BAIAP2L1: variants seen among roughly 807,000 people sequenced by gnomAD.
BAIAP2L1 encodes BAR/IMD domain-containing adapter protein 2-like 1.
A neutral mutation model predicts 66.3 loss-of-function variants in BAIAP2L1; 35 were observed. The ratio of observed to expected loss-of-function variants is 0.53; its 90% CI spans 0.40 to 0.70. The LOEUF (loss-of-function observed/expected upper bound fraction) is 0.70, where lower values mean the gene tolerates loss of function less well. Among genes scored for constraint, BAIAP2L1 ranks in the 30% least tolerant of loss-of-function variants. The pLI is 0.00. For missense variants in BAIAP2L1, 622 were observed against 656.9 expected (o/e 0.95, Z 0.58); for synonymous variants, 269 against 248.7 (o/e 1.08, Z -0.77).
chr7:98,397,008 A>C (rs1422717560), intron 1 of BAIAP2L1, among the ~76,000 whole-genome samples: 6 of 152,226 alleles, frequency 3.9e-5, no homozygotes, highest in African/African-American at 1.4e-4. Context: ...CTTGGAATAC[A>C]AAAACAAAAA....
At chr7:98,366,025 C>T (rs1802383013) in intron 1 of BAIAP2L1, among the ~76,000 whole-genome samples, 1 of 152,156 alleles carries the variant, frequency 6.6e-6, no homozygotes, top group African/African-American at 2.4e-5. Flanking sequence ...GGTGTGTGCA[C>T]AGGGTAGTGG....
intron 8 of BAIAP2L1, 128 bp from the exon 9 acceptor site, chr7:98,310,720 T>C: frequency 1.4e-6 from 1 of 717,122 alleles, no homozygotes; most frequent in East Asian, 3.5e-5. Context: ...AGAGTCTCGC[T>C]GTGTTGCCCA....
intron 3 of BAIAP2L1, among the ~76,000 whole-genome samples, chr7:98,330,740 C>T (rs186719261): frequency 7.1e-4 from 108 of 152,252 alleles, no homozygotes; most frequent in African/African-American, 2.4e-3. Flanking sequence ...TGGCTTCTGG[C>T]GAGCCCTCAG....
intron 1 of BAIAP2L1, among the ~76,000 whole-genome samples, chr7:98,371,206 G>GA (rs924730028): frequency 3.3e-4 from 50 of 150,876 alleles, no homozygotes; most frequent in Non-Finnish European, 2.8e-4. Context: ...CTGTTACTAA[G>GA]AAAAAAAAAT....
intron 1 of BAIAP2L1, among the ~76,000 whole-genome samples, chr7:98,376,724 C>CG (rs1241942231): frequency 3.3e-5 from 5 of 149,832 alleles, no homozygotes; most frequent in South Asian, 2.1e-4. Flanking sequence ...CTCAGCTACT[C>CG]GGGGGGCTGA....
intron 5 of BAIAP2L1, 151 bp from the exon 6 acceptor site, chr7:98,317,507 CCA>C: frequency 4.4e-6 from 4 of 911,876 alleles, no homozygotes; most frequent in Non-Finnish European, 6.7e-6. Flanking sequence ...GCCCCCACAC[CCA>C]CACCAGTTCA....
intron 2 of BAIAP2L1, among the ~76,000 whole-genome samples, chr7:98,356,099 G>C (rs1023042308): frequency 6.6e-6 from 1 of 152,050 alleles, no homozygotes; most frequent in African/African-American, 2.4e-5. Flanking sequence ...TGCCCCCTTC[G>C]AACTGATTCT....
Position 98,304,205 on chromosome 7 carries a change from G to T in BAIAP2L1, c.1413C>A (p.Thr471=), listed in dbSNP as rs777442291. Residue 471 remains threonine (T), a synonymous_variant, in exon 12 of 14, where the codon ACC becomes ACA. Transcript: ENST00000005260. ...CTGCGGCTTTACTCACAGGAGCCGC[G>T]GTCTCGGGCTTGGACGCTGGGGCCT... ...TFKAPASKPE[T]AAPNDANGTA... The T allele has an allele frequency of 6.3e-7, 1 of 1,596,866 alleles. No homozygotes were observed. The highest frequency in any genetic ancestry group is 1.8e-5 in the Admixed American group (1 of 56,486).
At chr7:98,367,558 C>T (rs1455775783) in intron 1 of BAIAP2L1, among the ~76,000 whole-genome samples, 9 of 89,512 alleles carry the variant, frequency 1.0e-4, no homozygotes, top group Middle Eastern at 9.8e-3. Context: ...TTTTGTGAGA[C>T]GGAGTCTCGC....
rs930762888 is a variant in BAIAP2L1, at chr7:98,400,868, G to A, written c.-16C>T. ...CCCGGGACATGGCTGCGGCCGCCGG[G>A]CGAGCAAGCGCGGGAGGACGCGGCT... On this transcript the variant is annotated 5_prime_UTR_variant, in exon 1 of 14. Coordinates refer to ENST00000005260, the MANE Select transcript of BAIAP2L1 (RefSeq NM_018842.5). 1.3e-6 allele frequency: 2 copies of A among 1,536,666 alleles called. No individual in the cohort carries two copies. Among genetic ancestry groups the A allele is most frequent in the East Asian group, 2.6e-5 (1 of 39,002 alleles).
chr7:98,385,218 G>A (rs904650006), intron 1 of BAIAP2L1, among the ~76,000 whole-genome samples: 2 of 151,670 alleles, frequency 1.3e-5, no homozygotes, highest in Admixed American at 1.3e-4. Context: ...AGAGGTGGGA[G>A]GATTATTTGA....
intron 2 of BAIAP2L1, among the ~76,000 whole-genome samples, chr7:98,360,772 G>A (rs1405038521): frequency 6.6e-6 from 1 of 152,188 alleles, no homozygotes; most frequent in African/African-American, 2.4e-5. Flanking sequence ...CACAGCTCTG[G>A]CTTTCTGGAG....
chr7:98,333,978 T>C (rs1801557012), intron 3 of BAIAP2L1, among the ~76,000 whole-genome samples: 1 of 152,188 alleles, frequency 6.6e-6, no homozygotes, highest in Non-Finnish European at 1.5e-5. Flanking sequence ...TTGATGTTTA[T>C]TAGGTTCATT....
intron 3 of BAIAP2L1, among the ~76,000 whole-genome samples, chr7:98,326,884 T>C (rs1801391120): frequency 6.6e-6 from 1 of 151,834 alleles, no homozygotes; most frequent in African/African-American, 2.4e-5. Context: ...AAAAAAAAAA[T>C]TAACTACACA....
At chr7:98,317,429 A>G in intron 5 of BAIAP2L1, 73 bp from the exon 6 acceptor site, 2 of 1,577,008 alleles carry the variant, frequency 1.3e-6, no homozygotes, top group South Asian at 1.1e-5. Context: ...CTTTACTCAC[A>G]CTTCCACTGT....
chr7:98,305,047 G>GTTTTTTTTTTTT (rs59633894), intron 11 of BAIAP2L1, among the ~76,000 whole-genome samples: 4 of 100,380 alleles, frequency 4.0e-5, no homozygotes, highest in Non-Finnish European at 7.3e-5. Context: ...TTTGTTTTTT[G>GTTTTTTTTTTTT]TTTTTTTTTT....
intron 2 of BAIAP2L1, among the ~76,000 whole-genome samples, chr7:98,359,871 C>CA (rs2115716951): frequency 6.6e-6 from 1 of 151,592 alleles, no homozygotes; most frequent in African/African-American, 2.4e-5. Context: ...GCAATCCTCC[C>CA]ACCCCAGGCT....
At chr7:98,396,685 G>A (rs1457265901) in intron 1 of BAIAP2L1, among the ~76,000 whole-genome samples, 1 of 152,180 alleles carries the variant, frequency 6.6e-6, no homozygotes, top group Admixed American at 6.6e-5. Context: ...CTACTCGGGA[G>A]GCTGAGGTGG....
intron 1 of BAIAP2L1, among the ~76,000 whole-genome samples, chr7:98,380,637 C>G (rs966703147): frequency 6.6e-6 from 1 of 151,548 alleles, no homozygotes; most frequent in African/African-American, 2.4e-5. Flanking sequence ...CAAACCATAT[C>G]ACCCAGGCTG....
Sources: gnomAD v4.1 joint callset for allele counts (sites outside exome capture counted in the v4.1 genomes callset) on GRCh38, gnomAD v4.1.1 for gene constraint, MANE v1.5 for transcripts, NCBI Gene and HGNC (gene_info 2026-07-23, HGNC 2026-07-21) for gene names.